Variants in DPCD observed in about 807,000 individuals in gnomAD.
The protein encoded by DPCD is deleted in primary ciliary dyskinesia homolog (mouse).
DPCD carries 20 observed loss-of-function variants against 26.4 expected under a neutral mutation model. The observed-to-expected ratio is 0.76, with a 90% confidence interval of 0.53 to 1.10. The LOEUF (loss-of-function observed/expected upper bound fraction) is 1.10. Ranked by LOEUF, DPCD falls within the 50% of genes least tolerant of loss-of-function variation. DPCD has a pLI of 0.00. For synonymous variants in DPCD, 97 were observed against 94.2 expected, an observed-to-expected ratio of 1.03 and a Z score of -0.17; for missense variants, 202 against 253.9, an observed-to-expected ratio of 0.80 and a Z score of 1.39.
chr10:101,591,575 G>T (rs1470546934), intron 1 of DPCD, among the ~76,000 whole-genome samples: 1 of 151,972 alleles, frequency 6.6e-6, no homozygotes, highest in Non-Finnish European at 1.5e-5. Flanking sequence ...TCTTGGGCTG[G>T]ATAATGAGAC....
At position 101,601,247 on chromosome 10, in the gene DPCD, G is replaced by C; in HGVS notation, c.315G>C (p.Arg105=). ...ACACCAAGATGAGTTTCCAGTGGCG[G>C]ATTCGAAACCTCCCCTATCCTAAGG... is the stretch of plus-strand genomic sequence containing the variant. The part of the protein sequence containing the change: ...RKDTKMSFQW[R]IRNLPYPKDV... The change falls in exon 4 of 6, where the codon CGG becomes CGC. Residue 105 remains arginine (R), a synonymous_variant. Transcript: ENST00000370151. 6.2e-7 allele frequency: 1 copy of C among 1,613,746 alleles called. No homozygotes were observed. The highest frequency in any genetic ancestry group is 8.5e-7 in the Non-Finnish European group (1 of 1,179,912).
intron 2 of DPCD, 30 bp downstream of exon 2, chr10:101,594,768 T>G: frequency 6.2e-7 from 1 of 1,601,722 alleles, no homozygotes; most frequent in Non-Finnish European, 8.6e-7. Context: ...AGTGGGCCTT[T>G]AGTAATACTT....
intron 4 of DPCD, 138 bp downstream of exon 4, chr10:101,601,474 C>A: frequency 4.4e-6 from 1 of 227,658 alleles, no homozygotes; most frequent in Non-Finnish European, 8.0e-6. Context: ...GGAAGGGCTT[C>A]CTCTCTGCAG....
At chr10:101,589,999 G>A (rs955989410) in intron 1 of DPCD, among the ~76,000 whole-genome samples, 1 of 150,412 alleles carries the variant, frequency 6.6e-6, no homozygotes, top group African/African-American at 2.5e-5. Context: ...GCAGCAGTGA[G>A]CCGAGATCAT....
At chr10:101,608,975 G>GAA in intron 5 of DPCD, 38 bp downstream of exon 5, 5 of 1,520,918 alleles carry the variant, frequency 3.3e-6, no homozygotes, top group Non-Finnish European at 4.6e-6. Context: ...CTGCATCAGG[G>GAA]AGAGTCTTCC....
chr10:101,605,769 G>T (rs992459636), intron 4 of DPCD, among the ~76,000 whole-genome samples: 2 of 152,156 alleles, frequency 1.3e-5, no homozygotes, highest in Non-Finnish European at 2.9e-5. Context: ...AAATAATCTA[G>T]ACTATGGCGG....
In DPCD at chr10:101,609,439, C is replaced by G. The variant is rs1462383156; in HGVS notation, c.580C>G (p.His194Asp). The change falls in exon 6 of 6, where the codon CAC becomes GAC. Residue 194 changes from histidine (H) to aspartate (D), a missense_variant. Physicochemically the swap from His to Asp is moderately conservative, Grantham distance 81. This residue lies in a region of DPCD where 118 missense variants were observed against 145.1 expected (regional missense o/e 0.81). Transcript: ENST00000370151. The stretch of plus-strand genomic sequence containing the variant: ...GGAACTAAAGAAGGTGAAGACAGCC[C>G]ACAGCAACGATGGGGACTGCAAGAC... The part of the protein sequence containing the change: ...QKELKKVKTA[H>D]SNDGDCKTQ 3 of 1,614,060 alleles carry G rather than the reference C, an allele frequency of 1.9e-6. No individual in the cohort carries two copies. In the South Asian group the frequency reaches 3.3e-5, roughly 18 times the overall value.
intron 1 of DPCD, 112 bp from the exon 2 acceptor site, chr10:101,594,546 G>C: frequency 1.0e-6 from 1 of 996,932 alleles, no homozygotes; most frequent in Non-Finnish European, 1.6e-6. Context: ...GGTCCTGGCT[G>C]GGTTCCTCAG....
chr10:101,597,797 A>G (rs887582537), intron 2 of DPCD, among the ~76,000 whole-genome samples: 1 of 152,194 alleles, frequency 6.6e-6, no homozygotes, highest in Non-Finnish European at 1.5e-5. Context: ...GAGTTCAGAA[A>G]CAAAGACGGG....
At chr10:101,589,548 G>C (rs2063564467) in intron 1 of DPCD, among the ~76,000 whole-genome samples, 2 of 152,192 alleles carry the variant, frequency 1.3e-5, no homozygotes, top group Admixed American at 1.3e-4. Context: ...TTCGAGACCA[G>C]CTTGGGCAAC....
intron 1 of DPCD, among the ~76,000 whole-genome samples, chr10:101,590,642 G>A (rs1035371820): frequency 8.2e-5 from 12 of 146,476 alleles, no homozygotes; most frequent in African/African-American, 1.8e-4. Context: ...TGTGGGGTAC[G>A]ATCATAGCTC....
At position 101,609,525 on chromosome 10, in the gene DPCD, C is replaced by T. The variant is rs1296865843; in HGVS notation, c.*54C>T. On this transcript the variant is annotated 3_prime_UTR_variant, in exon 6 of 6. Coordinates refer to ENST00000370151, the MANE Select transcript of DPCD (RefSeq NM_015448.3). ...CAGGGGGTGCCGTGAGACTTCAAGG[C>T]TTGGCCCTTCTTGACCACGGCAGCC... 4 of 1,527,190 alleles carry T rather than the reference C, an allele frequency of 2.6e-6. No homozygotes were observed. The highest frequency in any genetic ancestry group is 3.6e-6 in the Non-Finnish European group (4 of 1,112,366). The allele number at this position is 1,527,190 out of a possible 1,614,324, so 94.6% of individuals were successfully genotyped here.
intron 2 of DPCD, among the ~76,000 whole-genome samples, chr10:101,595,374 C>A (rs572417345): frequency 1.3e-5 from 2 of 152,278 alleles, no homozygotes; most frequent in Non-Finnish European, 2.9e-5. Flanking sequence ...GTGTGCACAT[C>A]AGCATTAACC....
At chr10:101,594,917 GC>G (rs1393380235) in intron 2 of DPCD, among the ~76,000 whole-genome samples, 179 bp downstream of exon 2, 3 of 152,118 alleles carry the variant, frequency 2.0e-5, no homozygotes, top group Non-Finnish European at 4.4e-5. Context: ...AAAGTGGAAT[GC>G]GAGTCCTTTT....
At chr10:101,608,793 C>T (rs1418503528) in intron 4 of DPCD, 42 bp from the exon 5 acceptor site, 2 of 1,436,944 alleles carry the variant, frequency 1.4e-6, no homozygotes, top group South Asian at 1.1e-5. Context: ...GCTGTTGGGT[C>T]ACCTTGCCGA....
At chr10:101,588,651 TC>T in intron 1 of DPCD, 2 of 1,321,738 alleles carry the variant, frequency 1.5e-6, no homozygotes, top group Non-Finnish European at 1.9e-6. Context: ...TATAGTAATT[TC>T]TTTTACATTC....
chr10:101,596,968 T>C (rs372884594), intron 2 of DPCD, among the ~76,000 whole-genome samples: 1 of 152,146 alleles, frequency 6.6e-6, no homozygotes, highest in East Asian at 1.9e-4. Context: ...CTCCCGTCGG[T>C]GTTAATAAGC....
chr10:101,600,192 T>C lies in DPCD; in HGVS notation c.146-546T>C, dbSNP rs981958614. ...TTAAATGCAGCTTTGGAGCGTTTTT[T>C]TGTTTTTGCTTTTTTCTTTTTTTTT... On this transcript the variant is annotated intron_variant, in intron 2 of 5. Transcript: ENST00000370151. The surrounding 1 kb of genome is among the most constrained non-coding windows in gnomAD (Gnocchi z 4.7). Among the ~76,000 whole-genome samples, 2 of 152,220 alleles carry C rather than the reference T, an allele frequency of 1.3e-5. No individual in the cohort carries two copies. The highest frequency in any genetic ancestry group is 2.9e-5 in the Non-Finnish European group (2 of 68,044).
intron 4 of DPCD, among the ~76,000 whole-genome samples, chr10:101,606,303 A>G (rs577359898): frequency 8.5e-4 from 129 of 152,292 alleles, no homozygotes; most frequent in African/African-American, 2.9e-3. Context: ...CTAGGACTAC[A>G]GGTGCTGCTA....
Sources: gnomAD v4.1 joint callset for allele counts (sites outside exome capture counted in the v4.1 genomes callset) on GRCh38, gnomAD v4.1.1 for gene constraint, gnomAD v4.1.1 regional missense constraint, Gnocchi (gnomAD v3.1) non-coding constraint, MANE v1.5 for transcripts, NCBI Gene and HGNC (gene_info 2026-07-23, HGNC 2026-07-21) for gene names.